HK2: variants seen among roughly 807,000 people sequenced by gnomAD.
The protein encoded by HK2 is hexokinase 2, also known as hexokinase-2.
A neutral mutation model predicts 92.9 loss-of-function variants in HK2; 42 were observed. The ratio of observed to expected loss-of-function variants is 0.45; its 90% CI spans 0.35 to 0.58. The LOEUF is 0.58. Ranked by LOEUF, HK2 falls within the 20% of genes least tolerant of loss-of-function variation. The pLI, the probability that HK2 is intolerant of heterozygous loss-of-function variation, is 0.00. For missense variants in HK2, 978 were observed against 1,245.1 expected (o/e 0.79, Z 3.23); for synonymous variants, 422 against 468.0 (o/e 0.90, Z 1.27).
intron 1 of HK2, among the ~76,000 whole-genome samples, chr2:74,842,568 G>A (rs1168527627): frequency 3.3e-5 from 5 of 152,194 alleles, no homozygotes; most frequent in Non-Finnish European, 7.3e-5. Flanking sequence ...ACTCCCAAGA[G>A]CTTCTTTTAG....
intron 12 of HK2, 61 bp downstream of exon 12, chr2:74,882,300 C>T: frequency 6.2e-7 from 1 of 1,610,406 alleles, no homozygotes; most frequent in Non-Finnish European, 8.5e-7. Context: ...CAAAACCAGC[C>T]AGGTATGGAG....
intron 6 of HK2, 34 bp from the exon 7 acceptor site, chr2:74,874,232 C>G: frequency 6.2e-7 from 1 of 1,613,060 alleles, no homozygotes; most frequent in Non-Finnish European, 8.5e-7. Context: ...GGGGCCGGAG[C>G]AGGCGTGTGC....
intron 3 of HK2, among the ~76,000 whole-genome samples, chr2:74,871,356 C>T (rs1328886011): frequency 2.6e-5 from 4 of 152,202 alleles, no homozygotes; most frequent in African/African-American, 9.7e-5. Flanking sequence ...GATTTTGCCA[C>T]GTAGTCAACC....
intron 1 of HK2, among the ~76,000 whole-genome samples, chr2:74,848,930 G>A (rs1688504497): frequency 6.6e-6 from 1 of 152,210 alleles, no homozygotes; most frequent in Admixed American, 6.5e-5. Flanking sequence ...GGTCGAGGCT[G>A]CTCCCCGATG....
chr2:74,877,152 G>A lies in HK2; in HGVS notation c.876-14G>A, dbSNP rs761484246. 1.2e-5 allele frequency: 19 copies of A among 1,613,508 alleles called. No homozygotes were observed. In the South Asian group the frequency reaches 2.1e-4, roughly 18 times the overall value. On this transcript the variant is annotated splice_polypyrimidine_tract_variant and intron_variant, in intron 7 of 17. Coordinates refer to ENST00000290573, the MANE Select transcript of HK2 (RefSeq NM_000189.5). ...AGTGGGGACTTTATGTTTTTGGTTT[G>A]TGTCTTCCGGCAGGTTTGAGAAGAT... is the stretch of plus-strand genomic sequence containing the variant.
At chr2:74,875,834 G>C (rs1487112631) in intron 7 of HK2, among the ~76,000 whole-genome samples, 3 of 152,172 alleles carry the variant, frequency 2.0e-5, no homozygotes, top group African/African-American at 4.8e-5. Flanking sequence ...GGAACTAAAG[G>C]CCCTTTCAAA....
At chr2:74,885,368 A>G (rs1206121770) in intron 12 of HK2, 126 bp from the exon 13 acceptor site, 1 of 726,782 alleles carries the variant, frequency 1.4e-6, no homozygotes, top group Non-Finnish European at 2.5e-6. Flanking sequence ...TGCGGGTGAG[A>G]TGATTGGTGA....
chr2:74,869,168 T>C (rs1689034841), intron 3 of HK2, among the ~76,000 whole-genome samples: 1 of 149,812 alleles, frequency 6.7e-6, no homozygotes, highest in Non-Finnish European at 1.5e-5. Context: ...ATTAAAACTG[T>C]TGAGATATTA....
intron 1 of HK2, among the ~76,000 whole-genome samples, chr2:74,838,046 G>C (rs895362699): frequency 6.6e-6 from 1 of 152,150 alleles, no homozygotes; most frequent in Admixed American, 6.6e-5. Context: ...CTCAAATGCA[G>C]TTTACTGTCT....
intron 1 of HK2, among the ~76,000 whole-genome samples, chr2:74,846,515 CA>C (rs1457345749): frequency 6.6e-6 from 1 of 152,168 alleles, no homozygotes. Context: ...TAAATAGACT[CA>C]TACAGGATAT....
chr2:74,882,033 G>T, intron 11 of HK2, 87 bp from the exon 12 acceptor site: 1 of 1,480,824 alleles, frequency 6.8e-7, no homozygotes, highest in Non-Finnish European at 9.4e-7. Flanking sequence ...TGGGTGGAAA[G>T]AAACATTGAT....
chr2:74,879,637 C>G (rs1689330395), intron 9 of HK2, among the ~76,000 whole-genome samples: 1 of 152,110 alleles, frequency 6.6e-6, no homozygotes, highest in South Asian at 2.1e-4. Flanking sequence ...CTCTAACAGC[C>G]CCCAGTAGGC....
intron 2 of HK2, among the ~76,000 whole-genome samples, chr2:74,856,199 C>A (rs370429169): frequency 6.6e-6 from 1 of 152,130 alleles, no homozygotes; most frequent in African/African-American, 2.4e-5. Context: ...TAATGCCACG[C>A]GCCTGTGCTG....
chr2:74,841,369 C>T (rs145670100), intron 1 of HK2, among the ~76,000 whole-genome samples: 1 of 151,676 alleles, frequency 6.6e-6, no homozygotes, highest in African/African-American at 2.4e-5. Flanking sequence ...GAATATTCCA[C>T]CATGCACAAG....
chr2:74,886,231 A>G lies in HK2; in HGVS notation c.1936-63A>G, dbSNP rs1292158523. 2.6e-5 allele frequency: 30 copies of G among 1,156,862 alleles called. No individual in the cohort carries two copies. In the Admixed American group the frequency reaches 4.1e-4, roughly 16 times the overall value. 71.7% of individuals were successfully genotyped at this position (1,156,862 alleles called of 1,614,324 possible). A position where few individuals can be genotyped will look rare whatever the true frequency, so the allele number is the denominator to read the frequency against. ...TATATACCTGTAAATCTCCCATGCA[A>G]TTGTCTGAAAGGAGAATATTGGGGT... On this transcript the variant is annotated intron_variant, in intron 13 of 17. Transcript: ENST00000290573.
Position 74,834,343 on chromosome 2 carries a change from C to T in HK2, c.-238C>T. ...GACGTGGGACAACCGGACACGTCGC[C>T]AGGAGAGAACTGAGGCGCCTTCTAG... On this transcript the variant is annotated 5_prime_UTR_variant, in exon 1 of 18. Transcript: ENST00000290573. The surrounding 1 kb of genome is among the most constrained non-coding windows in gnomAD (Gnocchi z 4.2). 3 of 588,590 alleles carry T rather than the reference C, an allele frequency of 5.1e-6. No homozygotes were observed. The highest frequency in any genetic ancestry group is 1.9e-5 in the South Asian group (1 of 52,574). 36.5% of individuals were successfully genotyped at this position (588,590 alleles called of 1,614,324 possible).
rs1030272819 is a variant in HK2, at chr2:74,892,387, A to G, written c.*1446A>G. The G allele has an allele frequency of 6.6e-6, 1 of 152,322 alleles. No individual in the cohort carries two copies. Among genetic ancestry groups the G allele is most frequent in the South Asian group, 2.1e-4 (1 of 4,828 alleles). The allele number at this position is 152,322 out of a possible 1,614,324, so 9.4% of individuals were successfully genotyped here. On this transcript the variant is annotated 3_prime_UTR_variant, in exon 18 of 18. Transcript: ENST00000290573. The stretch of plus-strand genomic sequence containing the variant: ...TGGGTTTGTATTTTAAATGTTTTAC[A>G]AGAATTGTCCATGTGCTTCCCTAGG...
intron 17 of HK2, 38 bp from the exon 18 acceptor site, chr2:74,890,759 A>G: frequency 6.2e-7 from 1 of 1,613,022 alleles, no homozygotes; most frequent in Non-Finnish European, 8.5e-7. Flanking sequence ...ATCATGACTA[A>G]GATGGTTTTT....
At chr2:74,864,866 G>A (rs1253539802) in intron 2 of HK2, among the ~76,000 whole-genome samples, 8 of 152,166 alleles carry the variant, frequency 5.3e-5, no homozygotes, top group Non-Finnish European at 8.8e-5. Context: ...CATCACAACC[G>A]CTGGGAGATG....
Sources: gnomAD v4.1 joint callset for allele counts (sites outside exome capture counted in the v4.1 genomes callset) on GRCh38, gnomAD v4.1.1 for gene constraint, Gnocchi (gnomAD v3.1) non-coding constraint, MANE v1.5 for transcripts, NCBI Gene and HGNC (gene_info 2026-07-23, HGNC 2026-07-21) for gene names.